Variants in MAP3K21 observed in about 807,000 individuals in gnomAD.
The protein encoded by MAP3K21 is mitogen-activated protein kinase kinase kinase MLK4.
MAP3K21 carries 63 observed loss-of-function variants against 86.1 expected under a neutral mutation model. The observed-to-expected ratio is 0.73, with a 90% CI of 0.60 to 0.90. The LOEUF (loss-of-function observed/expected upper bound fraction) is 0.90, where lower values mean the gene tolerates loss of function less well. Ranked by LOEUF, MAP3K21 falls within the 40% of genes least tolerant of loss-of-function variation. MAP3K21 has a pLI of 0.00. For synonymous variants in MAP3K21, 558 were observed against 564.8 expected (o/e 0.99, Z 0.17); for missense variants, 1,220 against 1,367.7 (o/e 0.89, Z 1.70).
intron 6 of MAP3K21, chr1:233,375,676 T>C (rs1199501992): frequency 4.0e-6 from 2 of 500,020 alleles, no homozygotes; most frequent in Non-Finnish European, 6.9e-6. Flanking sequence ...ATCAAATCTT[T>C]GCTGCTAATT....
At chr1:233,371,766 T>TGTGTGTGC (rs1663687275) in intron 5 of MAP3K21, among the ~76,000 whole-genome samples, 1 of 151,802 alleles carries the variant, frequency 6.6e-6, no homozygotes, top group South Asian at 2.1e-4. Context: ...TGTGTGTGTG[T>TGTGTGTGC]GTGTGTGTGT....
rs1357192577 is a variant in MAP3K21 at position 233,328,701 on chromosome 1, G to A, written c.673G>A (p.Gly225Ser). ...CGCCGCCCCGGACCCGCGCGCGCCC[G>A]GCCCCCGCCGCGCGCGCCGCATCCC... ...ANAAPDPRAP[G>S]PRRARRIPPH... is the part of the protein sequence containing the mutation. Residue 225 changes from glycine to serine, a missense_variant, in exon 1 of 10, where the codon GGC becomes AGC. Gly to Ser is a moderately conservative substitution (Grantham distance 56, BLOSUM62 0). This residue lies in a region of MAP3K21 where 369 missense variants were observed against 385.3 expected (regional missense o/e 0.96). Coordinates refer to ENST00000366624, the MANE Select transcript of MAP3K21 (RefSeq NM_032435.3). This position sits in a 1 kb window ranked among gnomAD's most constrained non-coding sequence, Gnocchi z 8.7. The A allele has an allele frequency of 7.4e-7, 1 of 1,356,978 alleles. No homozygotes were observed. Among genetic ancestry groups the A allele is most frequent in the Admixed American group, 3.2e-5 (1 of 31,496 alleles). 84.1% of individuals were successfully genotyped at this position (1,356,978 alleles called of 1,614,324 possible). A position where few individuals can be genotyped will look rare whatever the true frequency, so the allele number is the denominator to read the frequency against.
intron 1 of MAP3K21, among the ~76,000 whole-genome samples, chr1:233,343,208 A>G (rs1572241958): frequency 1.3e-5 from 2 of 152,326 alleles, no homozygotes; most frequent in East Asian, 3.9e-4. Flanking sequence ...TCAAGCCTTG[A>G]AAAAGAGGCA....
intron 1 of MAP3K21, among the ~76,000 whole-genome samples, chr1:233,340,167 T>C (rs1202734672): frequency 6.6e-6 from 1 of 152,100 alleles, no homozygotes; most frequent in South Asian, 2.1e-4. Context: ...CAAAAGGCAA[T>C]GGGGAGATGT....
Position 233,328,247 on chromosome 1 carries a change from C to G in MAP3K21, c.219C>G (p.Ala73=), listed in dbSNP as rs1304819928. ...TGGAGGTGCTGTCGCAGGACGCCGC[C>G]GTGTCGGGCGACGAGGGCTGGTGGG... is the stretch of plus-strand genomic sequence containing the variant. The part of the protein sequence containing the change: ...QLVEVLSQDA[A]VSGDEGWWAG... Residue 73 remains alanine (A), a synonymous_variant, in exon 1 of 10, where the codon GCC becomes GCG. Transcript: ENST00000366624. This position sits in a 1 kb window ranked among gnomAD's most constrained non-coding sequence, Gnocchi z 8.7. 1 of 1,490,196 alleles carries G rather than the reference C, an allele frequency of 6.7e-7. No homozygotes were observed. The highest frequency in any genetic ancestry group is 8.9e-7 in the Non-Finnish European group (1 of 1,128,212). The allele number at this position is 1,490,196 out of a possible 1,614,324, so 92.3% of individuals were successfully genotyped here.
At chr1:233,339,282 C>CCTG (rs1486230505) in intron 1 of MAP3K21, among the ~76,000 whole-genome samples, 9 of 68,898 alleles carry the variant, frequency 1.3e-4, no homozygotes, top group Non-Finnish European at 2.0e-4. Context: ...TCTTCTTCTT[C>CCTG]TTCTTCTTCC....
chr1:233,374,498 C>T (rs866142748), intron 6 of MAP3K21, among the ~76,000 whole-genome samples: 2 of 152,042 alleles, frequency 1.3e-5, no homozygotes, highest in Admixed American at 6.5e-5. Flanking sequence ...TGCACAGACA[C>T]GTGTATATAC....
chr1:233,364,418 A>G (rs1558459851), intron 5 of MAP3K21, among the ~76,000 whole-genome samples: 1 of 152,212 alleles, frequency 6.6e-6, no homozygotes, highest in Non-Finnish European at 1.5e-5. Flanking sequence ...ATCCAAATTA[A>G]TATTTATTGT....
intron 1 of MAP3K21, among the ~76,000 whole-genome samples, chr1:233,342,038 G>C (rs1343500073): frequency 6.6e-6 from 1 of 151,760 alleles, no homozygotes; most frequent in African/African-American, 2.4e-5. Flanking sequence ...TCAGCTTTCT[G>C]TGGTTTCAGT....
Position 233,375,220 on chromosome 1 carries a change from G to A in MAP3K21, c.1676-696G>A, listed in dbSNP as rs150324605. Among the ~76,000 whole-genome samples the A allele has an allele frequency of 6.0e-3, 907 of 152,226 alleles. 10 individuals carry two copies. The highest frequency in any genetic ancestry group is 0.021 in the African/African-American group (869 of 41,536). ...GCCTCCCAAACTGCTGGGATTACAG[G>A]CGTGAGCCATGGCGCCTGGCCCCAA... On this transcript the variant is annotated intron_variant, in intron 6 of 9. Transcript: ENST00000366624.
chr1:233,350,772 G>T lies in MAP3K21; in HGVS notation c.987-3035G>T, dbSNP rs150152418. Among the ~76,000 whole-genome samples, 240 of 152,166 alleles carry T rather than the reference G, an allele frequency of 1.6e-3. 1 individual carries two copies. Among genetic ancestry groups the T allele is most frequent in the African/African-American group, 5.5e-3 (229 of 41,506 alleles). ...ACTAAGAAGCAGATTTTAGGTCCAG[G>T]GCTGAGATCCATGACTCCCGACTCA... On this transcript the variant is annotated intron_variant, in intron 2 of 9. Transcript: ENST00000366624.
At chr1:233,339,268 CTCTTCTTCT>C (rs1327762337) in intron 1 of MAP3K21, among the ~76,000 whole-genome samples, 450 of 19,822 alleles carry the variant, frequency 0.023, 26 homozygotes, top group Non-Finnish European at 0.036. Flanking sequence ...CTTCTTCTTC[CTCTTCTTCT>C]TCTTCTTCTT....
chr1:233,373,835 G>A (rs35225245), intron 6 of MAP3K21: 14,108 of 152,168 alleles, frequency 0.093, 900 homozygotes, highest in East Asian at 0.12. Flanking sequence ...TTCACCATCC[G>A]TTTCCGGCCT....
chr1:233,329,258 C>T (rs1240522862), intron 1 of MAP3K21, among the ~76,000 whole-genome samples: 1 of 152,114 alleles, frequency 6.6e-6, no homozygotes, highest in East Asian at 1.9e-4. Flanking sequence ...CGAATGCACT[C>T]GGGGACGTCA....
chr1:233,341,932 A>AG, intron 1 of MAP3K21, among the ~76,000 whole-genome samples: 1 of 152,270 alleles, frequency 6.6e-6, no homozygotes, highest in East Asian at 1.9e-4. Flanking sequence ...TATTGTTTAA[A>AG]GGTGAAATTA....
rs1242163851 is a variant in MAP3K21, at chr1:233,375,937, A to C, written c.1697A>C (p.Lys566Thr). ...TTAGTGACTTCAGATGAAAGCAATAAAACTTGGGGAAGGAACACAGTCTTT... is the reference window on the plus strand; with the variant it reads ...TTAGTGACTTCAGATGAAAGCAATACAACTTGGGGAAGGAACACAGTCTTT... Reference protein sequence around the residue: ...AIQLTSDESNKTWGRNTVFRQ... With the variant: ...AIQLTSDESNTTWGRNTVFRQ... Residue 566 changes from lysine to threonine, a missense_variant, in exon 7 of 10, where the codon AAA (lysine) becomes ACA (threonine). Coordinates refer to ENST00000366624, the MANE Select transcript of MAP3K21 (RefSeq NM_032435.3). 1.2e-6 allele frequency: 2 copies of C among 1,612,418 alleles called. No individual in the cohort carries two copies. The highest frequency in any genetic ancestry group is 1.7e-6 in the Non-Finnish European group (2 of 1,179,086).
At chr1:233,345,273 A>G (rs1277955973) in intron 1 of MAP3K21, among the ~76,000 whole-genome samples, 4 of 152,230 alleles carry the variant, frequency 2.6e-5, no homozygotes, top group African/African-American at 9.6e-5. Flanking sequence ...CTATAAAGAC[A>G]AATGCACACG....
At chr1:233,376,202 T>C in intron 7 of MAP3K21, 136 bp downstream of exon 7, 1 of 799,716 alleles carries the variant, frequency 1.3e-6, no homozygotes, top group Non-Finnish European at 2.0e-6. Flanking sequence ...TTTTCTAGGA[T>C]GAATTTATCA....
intron 6 of MAP3K21, chr1:233,372,614 C>A (rs1192685748): frequency 6.1e-6 from 1 of 162,726 alleles, no homozygotes; most frequent in African/African-American, 2.4e-5. Flanking sequence ...GTTTGACCAA[C>A]CTAATACTTA....
Sources: allele counts gnomAD v4.1 joint callset (sites outside exome capture counted in the v4.1 genomes callset), GRCh38; gene constraint gnomAD v4.1.1; regional missense constraint gnomAD v4.1.1; non-coding constraint Gnocchi (gnomAD v3.1); transcripts MANE v1.5; gene names NCBI Gene and HGNC (gene_info 2026-07-23, HGNC 2026-07-21).